PATJ: variants seen among roughly 807,000 people sequenced by gnomAD.
The protein encoded by PATJ is inaD-like protein.
PATJ carries 190 observed loss-of-function variants against 224.9 expected under a neutral mutation model. That is an observed-to-expected ratio of 0.84 (90% confidence interval 0.75 to 0.95). The LOEUF is 0.95. Among genes scored for constraint, PATJ ranks in the 40% least tolerant of loss-of-function variants. PATJ has a pLI of 0.00. For synonymous variants in PATJ, 769 were observed against 820.3 expected, an observed-to-expected ratio of 0.94 and a Z score of 1.07; for missense variants, 2,121 against 2,270.3, an observed-to-expected ratio of 0.93 and a Z score of 1.34.
At chr1:61,827,365 T>A (rs1031144393) in intron 15 of PATJ, 57 bp from the exon 16 acceptor site, 4 of 1,422,840 alleles carry the variant, frequency 2.8e-6, no homozygotes, top group Non-Finnish European at 3.7e-6. Context: ...AAATAAGAGA[T>A]TTTTGTTTTT....
intron 28 of PATJ, among the ~76,000 whole-genome samples, chr1:62,011,053 T>A (rs1646417238): frequency 6.6e-6 from 1 of 152,230 alleles, no homozygotes; most frequent in South Asian, 2.1e-4. Context: ...TGGATTAGGC[T>A]TTTGCTTAAG....
chr1:62,134,481 G>A (rs1156824651), intron 41 of PATJ, among the ~76,000 whole-genome samples: 1 of 151,676 alleles, frequency 6.6e-6, no homozygotes, highest in Non-Finnish European at 1.5e-5. Flanking sequence ...GAGTAGCTGG[G>A]ATTACAGGCA....
At chr1:61,814,331 C>T (rs1412221456) in intron 14 of PATJ, among the ~76,000 whole-genome samples, 3 of 151,876 alleles carry the variant, frequency 2.0e-5, no homozygotes, top group Non-Finnish European at 2.9e-5. Flanking sequence ...TTTGTAAAGA[C>T]GGGATTTCAC....
intron 9 of PATJ, among the ~76,000 whole-genome samples, chr1:61,792,839 T>C (rs1338762994): frequency 1.3e-5 from 2 of 152,148 alleles, no homozygotes; most frequent in African/African-American, 4.8e-5. Flanking sequence ...CCATTTTACT[T>C]CTTTACCCTC....
intron 39 of PATJ, among the ~76,000 whole-genome samples, chr1:62,124,567 A>T (rs1257085710): frequency 1.3e-5 from 2 of 152,200 alleles, no homozygotes; most frequent in Non-Finnish European, 2.9e-5. Flanking sequence ...AGTTTGCTAG[A>T]TCTGCAGTTA....
chr1:61,943,472 C>T (rs901553700), intron 27 of PATJ, among the ~76,000 whole-genome samples: 23 of 152,172 alleles, frequency 1.5e-4, no homozygotes, highest in African/African-American at 4.3e-4. Context: ...GAGGGTCCCA[C>T]GCCCACGGTC....
chr1:61,998,359 C>T (rs1020320318), intron 28 of PATJ, among the ~76,000 whole-genome samples: 3 of 151,866 alleles, frequency 2.0e-5, no homozygotes, highest in Non-Finnish European at 4.4e-5. Flanking sequence ...GCTGGGATTA[C>T]AGGCGTGAGC....
intron 29 of PATJ, among the ~76,000 whole-genome samples, chr1:62,029,726 G>C (rs1274974791): frequency 1.3e-5 from 2 of 152,156 alleles, no homozygotes; most frequent in African/African-American, 4.8e-5. Flanking sequence ...AGTGGGTACA[G>C]CGAGAGTTAG....
chr1:62,040,113 CTT>C (rs557531285), intron 30 of PATJ, among the ~76,000 whole-genome samples: 20 of 142,020 alleles, frequency 1.4e-4, no homozygotes, highest in Admixed American at 1.4e-4. Context: ...CTCTTTCTTC[CTT>C]TTTTTTTTTT....
At chr1:61,854,467 A>C (rs1663326577) in intron 17 of PATJ, among the ~76,000 whole-genome samples, 3 of 152,214 alleles carry the variant, frequency 2.0e-5, no homozygotes, top group Non-Finnish European at 4.4e-5. Context: ...CAATCATAAG[A>C]TGGCCATATG....
intron 43 of PATJ, 29 bp downstream of exon 43, chr1:62,153,510 T>A (rs902632133): frequency 1.6e-4 from 196 of 1,220,336 alleles, no homozygotes; most frequent in African/African-American, 3.3e-4. Context: ...TGTACTTTTT[T>A]AAAAAAATTA....
At chr1:61,897,360 C>G (rs1039371048) in intron 22 of PATJ, among the ~76,000 whole-genome samples, 1 of 152,090 alleles carries the variant, frequency 6.6e-6, no homozygotes, top group Non-Finnish European at 1.5e-5. Context: ...AAACAGAAAC[C>G]CCATTTAGTG....
At chr1:61,958,998 T>C (rs879544993) in intron 27 of PATJ, among the ~76,000 whole-genome samples, 1 of 151,634 alleles carries the variant, frequency 6.6e-6, no homozygotes, top group Non-Finnish European at 1.5e-5. Flanking sequence ...CCATAAAGAG[T>C]CCAAAAATGT....
At chr1:62,074,761 C>T (rs868479322) in intron 31 of PATJ, among the ~76,000 whole-genome samples, 5 of 152,212 alleles carry the variant, frequency 3.3e-5, no homozygotes. Flanking sequence ...GTCAGGAGTT[C>T]GAGACCAGCC....
At position 61,812,708 on chromosome 1, in the gene PATJ, G is replaced by A. The variant is rs564722819; in HGVS notation, c.1683+4178G>A. 3.3e-5 allele frequency among the ~76,000 whole-genome samples: 5 copies of A among 152,062 alleles called. No homozygotes were observed. In the East Asian group the frequency reaches 9.7e-4, roughly 29 times the overall value. On this transcript the variant is annotated intron_variant, in intron 14 of 43. Transcript: ENST00000642238. ...TCCTAAAAATACAAAAATTAGCCAG[G>A]CATGGTGGTGGGTGCCTGTAATCCC... is the stretch of plus-strand genomic sequence containing the variant.
chr1:61,900,256 T>A (rs999160104), intron 23 of PATJ, among the ~76,000 whole-genome samples: 3 of 152,234 alleles, frequency 2.0e-5, no homozygotes, highest in Non-Finnish European at 4.4e-5. Flanking sequence ...TTGCTTGTAA[T>A]TGAAATCTGA....
intron 1 of PATJ, among the ~76,000 whole-genome samples, chr1:61,744,945 TTTA>T (rs764070555): frequency 1.1e-4 from 16 of 152,172 alleles, no homozygotes; most frequent in Non-Finnish European, 1.5e-4. Context: ...TTATTACTAG[TTTA>T]TTATTAAGAA....
rs539203360 is a variant in PATJ at position 61,787,463 on chromosome 1, G to A, written c.850-291G>A. Among the ~76,000 whole-genome samples the A allele has an allele frequency of 1.2e-4, 18 of 152,196 alleles. No homozygotes were observed. In the South Asian group the frequency reaches 3.3e-3, roughly 28 times the overall value. ...CCTTTCTGTCCTCTTCCTTGCACACGTGACCATTAACACCCAACTCTAGGC... is the reference window on the plus strand; with the variant it reads ...CCTTTCTGTCCTCTTCCTTGCACACATGACCATTAACACCCAACTCTAGGC... On this transcript the variant is annotated intron_variant, in intron 7 of 43. Coordinates refer to ENST00000642238, the MANE Select transcript of PATJ (RefSeq NM_001350145.3).
At chr1:61,907,367 G>C (rs947405200) in intron 24 of PATJ, among the ~76,000 whole-genome samples, 2 of 152,138 alleles carry the variant, frequency 1.3e-5, no homozygotes, top group African/African-American at 4.8e-5. Context: ...CCTGCTTCCA[G>C]TGCTCACCAA....
Sources: allele counts gnomAD v4.1 joint callset (sites outside exome capture counted in the v4.1 genomes callset), GRCh38; gene constraint gnomAD v4.1.1; transcripts MANE v1.5; gene names NCBI Gene and HGNC (gene_info 2026-07-23, HGNC 2026-07-21).